Variants in PDE4D observed in about 807,000 individuals in gnomAD.
PDE4D encodes the protein 3',5'-cyclic-AMP phosphodiesterase 4D.
Under a neutral mutation model 87.4 loss-of-function variants are expected in PDE4D, and 24 were observed. That is an observed-to-expected ratio of 0.27 (90% confidence interval 0.20 to 0.39). PDE4D has a LOEUF of 0.39. PDE4D is among the 10% of genes least tolerant of loss of function. The pLI is 1.00. For synonymous variants in PDE4D, 384 were observed against 383.2 expected (o/e 1.00, Z -0.02); for missense variants, 714 against 1,041.0 (o/e 0.69, Z 4.32).
At chr5:59,401,573 C>A (rs1023519071) in intron 1 of PDE4D, among the ~76,000 whole-genome samples, 82 of 151,992 alleles carry the variant, frequency 5.4e-4, no homozygotes, top group African/African-American at 1.9e-3. Context: ...GAGAGATGAG[C>A]TTTATACTGG....
intron 1 of PDE4D, among the ~76,000 whole-genome samples, chr5:60,248,542 G>A (rs184018604): frequency 1.2e-3 from 184 of 152,182 alleles, no homozygotes; most frequent in African/African-American, 4.1e-3. Context: ...AAGGGGCTTA[G>A]GTAGGAGATG....
At chr5:59,766,524 C>T (rs1762815800) in intron 1 of PDE4D, among the ~76,000 whole-genome samples, 1 of 152,232 alleles carries the variant, frequency 6.6e-6, no homozygotes, top group Non-Finnish European at 1.5e-5. Flanking sequence ...TCCAGCTGAA[C>T]TCTAGGTTGC....
At chr5:59,599,879 T>C (rs1827251989) in intron 1 of PDE4D, among the ~76,000 whole-genome samples, 4 of 151,586 alleles carry the variant, frequency 2.6e-5, no homozygotes, top group Admixed American at 2.6e-4. Context: ...AAGAAAAGAG[T>C]TTTGTTTTGT....
At chr5:59,817,849 C>T (rs1769176130) in intron 1 of PDE4D, among the ~76,000 whole-genome samples, 1 of 152,074 alleles carries the variant, frequency 6.6e-6, no homozygotes, top group African/African-American at 2.4e-5. Context: ...CAAGCTGGCA[C>T]ACTGATCTCA....
chr5:59,420,330 C>T (rs1437755237), intron 1 of PDE4D, among the ~76,000 whole-genome samples: 2 of 152,136 alleles, frequency 1.3e-5, no homozygotes, highest in Non-Finnish European at 2.9e-5. Context: ...TGGCAATTTA[C>T]CTTTAAAAAC....
At chr5:59,179,178 C>T (rs938071818) in intron 5 of PDE4D, among the ~76,000 whole-genome samples, 5 of 152,196 alleles carry the variant, frequency 3.3e-5, no homozygotes, top group Admixed American at 1.3e-4. Flanking sequence ...GCGATCTCGG[C>T]TCACTGCAAC....
intron 2 of PDE4D, among the ~76,000 whole-genome samples, chr5:60,082,429 T>C (rs143665672): frequency 2.6e-5 from 4 of 152,298 alleles, no homozygotes; most frequent in African/African-American, 9.6e-5. Flanking sequence ...AGATAAATGT[T>C]TGTTGCTTAA....
At chr5:59,493,216 C>G (rs542182444) in intron 1 of PDE4D, among the ~76,000 whole-genome samples, 5 of 152,182 alleles carry the variant, frequency 3.3e-5, no homozygotes, top group African/African-American at 1.2e-4. Flanking sequence ...AAAGACTATT[C>G]TAAAAAGAAT....
intron 1 of PDE4D, among the ~76,000 whole-genome samples, chr5:59,422,551 T>C (rs994045741): frequency 2.6e-5 from 4 of 152,216 alleles, no homozygotes; most frequent in African/African-American, 9.6e-5. Flanking sequence ...CCGTTTGTAG[T>C]TCATCCATGT....
intron 1 of PDE4D, among the ~76,000 whole-genome samples, chr5:60,373,796 C>T (rs1761218888): frequency 6.6e-6 from 1 of 152,152 alleles, no homozygotes; most frequent in Non-Finnish European, 1.5e-5. Flanking sequence ...TTCCAAGGGC[C>T]GTCCTTATTC....
At position 59,645,133 on chromosome 5, in the gene PDE4D, A is replaced by G. The variant is rs537194671; in HGVS notation, c.455+248035T>C. 5.3e-5 allele frequency among the ~76,000 whole-genome samples: 8 copies of G among 152,344 alleles called. No individual in the cohort carries two copies. The South Asian group carries it at 1.0e-3, about 20-fold the overall frequency. Reference sequence around the variant, plus strand: ...TGGTGCTGAACTCTAGGAAAAAAATAGAACTATTTCTGTTTAACTGTAAGG... The same window carrying G: ...TGGTGCTGAACTCTAGGAAAAAAATGGAACTATTTCTGTTTAACTGTAAGG... On this transcript the variant is annotated intron_variant, in intron 1 of 14. Coordinates refer to ENST00000340635, the MANE Select transcript of PDE4D (RefSeq NM_001104631.2).
At chr5:60,028,127 C>T (rs1350606719) in intron 2 of PDE4D, among the ~76,000 whole-genome samples, 1 of 152,168 alleles carries the variant, frequency 6.6e-6, no homozygotes, top group Non-Finnish European at 1.5e-5. Flanking sequence ...TGCCCAAATA[C>T]ATCACTATTT....
rs1743221558 is a variant in PDE4D, at chr5:58,974,503, C to T, written c.*161G>A. Reference sequence around the variant, plus strand: ...GACATGGAGGTGAAAAAACTGGTTACGATATTCCTGAGCGCTGGACTGAGT... The same window carrying T: ...GACATGGAGGTGAAAAAACTGGTTATGATATTCCTGAGCGCTGGACTGAGT... On this transcript the variant is annotated 3_prime_UTR_variant, in exon 15 of 15. Coordinates refer to ENST00000340635, the MANE Select transcript of PDE4D (RefSeq NM_001104631.2). The T allele has an allele frequency of 5.7e-6, 3 of 528,412 alleles. No homozygotes were observed. The highest frequency in any genetic ancestry group is 9.6e-6 in the Non-Finnish European group (3 of 312,846). The allele number at this position is 528,412 out of a possible 1,614,324, so 32.7% of individuals were successfully genotyped here. A position where few individuals can be genotyped will look rare whatever the true frequency, so the allele number is the denominator to read the frequency against.
At chr5:59,516,263 T>A (rs1008042155) in intron 1 of PDE4D, among the ~76,000 whole-genome samples, 1 of 152,194 alleles carries the variant, frequency 6.6e-6, no homozygotes, top group Admixed American at 6.5e-5. Context: ...CGATGTTTGG[T>A]CTCTTGCCTA....
chr5:60,256,478 CAT>C (rs1562263634), intron 1 of PDE4D, among the ~76,000 whole-genome samples: 1 of 151,854 alleles, frequency 6.6e-6, no homozygotes, highest in Admixed American at 6.6e-5. Context: ...ACCCTAAACT[CAT>C]GTGTCCTTCA....
chr5:60,215,584 A>C (rs1360139753), intron 1 of PDE4D, among the ~76,000 whole-genome samples: 1 of 152,180 alleles, frequency 6.6e-6, no homozygotes, highest in Non-Finnish European at 1.5e-5. Context: ...CTAATGAGAC[A>C]AAATATGATG....
At chr5:59,162,320 C>A (rs1781223659) in intron 5 of PDE4D, among the ~76,000 whole-genome samples, 1 of 152,288 alleles carries the variant, frequency 6.6e-6, no homozygotes, top group Admixed American at 6.5e-5. Context: ...TCAAGAAGAG[C>A]TAATCCTCTT....
intron 1 of PDE4D, among the ~76,000 whole-genome samples, chr5:59,646,199 A>T (rs926595039): frequency 6.6e-6 from 1 of 152,212 alleles, no homozygotes; most frequent in African/African-American, 2.4e-5. Flanking sequence ...TATTCCAATG[A>T]TGTATCCATT....
At chr5:59,137,156 C>T (rs1777195639) in intron 5 of PDE4D, among the ~76,000 whole-genome samples, 1 of 152,186 alleles carries the variant, frequency 6.6e-6, no homozygotes. Flanking sequence ...GAGTCCTCCT[C>T]ACTTTCCCAC....
Sources: allele counts gnomAD v4.1 joint callset (sites outside exome capture counted in the v4.1 genomes callset), GRCh38; gene constraint gnomAD v4.1.1; transcripts MANE v1.5; gene names NCBI Gene and HGNC (gene_info 2026-07-23, HGNC 2026-07-21).